The following LYPD6B variants were observed in gnomAD, a reference collection of about 807,000 sequenced individuals.
The protein encoded by LYPD6B is ly6/PLAUR domain-containing protein 6B.
LYPD6B carries 17 observed loss-of-function variants against 22.8 expected under a neutral mutation model. The ratio of observed to expected loss-of-function variants is 0.75; its 90% CI spans 0.51 to 1.12. The LOEUF (loss-of-function observed/expected upper bound fraction) is 1.12, where lower values mean the gene tolerates loss of function less well. LYPD6B is among the 50% of genes most tolerant of loss of function. The probability of loss-of-function intolerance (pLI) is 0.00; values close to 1 mark genes in which losing one functional copy is unlikely to be tolerated. For synonymous variants in LYPD6B, 106 were observed against 91.6 expected (o/e 1.16, Z -0.90); for missense variants, 221 against 258.3 (o/e 0.86, Z 0.99).
At chr2:149,103,225 C>T (rs1043439667) in intron 1 of LYPD6B, among the ~76,000 whole-genome samples, 7 of 152,104 alleles carry the variant, frequency 4.6e-5, no homozygotes, top group South Asian at 2.1e-4. Flanking sequence ...GCAGTGACAG[C>T]GTTGCATGGT....
chr2:149,136,199 G>A (rs904630499), intron 2 of LYPD6B, among the ~76,000 whole-genome samples: 3 of 152,172 alleles, frequency 2.0e-5, no homozygotes, highest in African/African-American at 7.2e-5. Flanking sequence ...TAGTTTCACT[G>A]TTTCCTATGC....
At chr2:149,047,484 A>T (rs948717971) in intron 1 of LYPD6B, among the ~76,000 whole-genome samples, 1 of 151,536 alleles carries the variant, frequency 6.6e-6, no homozygotes, top group African/African-American at 2.4e-5. Context: ...TTTTCATTTG[A>T]TGTTTCATTT....
chr2:149,144,550 C>G (rs930985867), intron 2 of LYPD6B, among the ~76,000 whole-genome samples: 1 of 152,108 alleles, frequency 6.6e-6, no homozygotes, highest in South Asian at 2.1e-4. Flanking sequence ...CGCCACCACG[C>G]CTGGCTAATT....
chr2:149,072,218 G>A (rs1684640182), intron 1 of LYPD6B, among the ~76,000 whole-genome samples: 1 of 152,136 alleles, frequency 6.6e-6, no homozygotes, highest in South Asian at 2.1e-4. Context: ...TTGACTTTCA[G>A]CACATGTGCC....
At chr2:149,047,968 T>TTTCC (rs1263938368) in intron 1 of LYPD6B, among the ~76,000 whole-genome samples, 1 of 152,188 alleles carries the variant, frequency 6.6e-6, no homozygotes, top group Non-Finnish European at 1.5e-5. Flanking sequence ...CTTTCAAATA[T>TTTCC]TTCCATTTGA....
intron 3 of LYPD6B, among the ~76,000 whole-genome samples, chr2:149,198,180 T>G (rs1487756136): frequency 1.3e-5 from 2 of 152,082 alleles, no homozygotes; most frequent in South Asian, 4.2e-4. Flanking sequence ...GTAGCTGGGA[T>G]TACAGGCACG....
chr2:149,103,693 C>T (rs533434743), intron 1 of LYPD6B, among the ~76,000 whole-genome samples: 11 of 151,424 alleles, frequency 7.3e-5, no homozygotes, highest in African/African-American at 2.7e-4. Flanking sequence ...GAAGTACTTT[C>T]TGCCAGTATA....
At chr2:149,091,810 G>T (rs960065687) in intron 1 of LYPD6B, among the ~76,000 whole-genome samples, 1 of 152,102 alleles carries the variant, frequency 6.6e-6, no homozygotes, top group Non-Finnish European at 1.5e-5. Context: ...GAAGTTACAG[G>T]CCTTTGTAGA....
chr2:149,096,697 T>TC (rs2105464941), intron 1 of LYPD6B, among the ~76,000 whole-genome samples: 1 of 152,296 alleles, frequency 6.6e-6, no homozygotes, highest in Non-Finnish European at 1.5e-5. Flanking sequence ...TGATTTTTTT[T>TC]CTCTTCTTAG....
At chr2:149,147,906 CTGTGTGTG>C (rs61441741) in intron 2 of LYPD6B, among the ~76,000 whole-genome samples, 8 of 139,018 alleles carry the variant, frequency 5.8e-5, no homozygotes, top group African/African-American at 1.4e-4. Context: ...GCACATGGGC[CTGTGTGTG>C]TGTGTGTGTG....
At chr2:149,179,774 T>C (rs1371177829) in intron 3 of LYPD6B, among the ~76,000 whole-genome samples, 1 of 152,206 alleles carries the variant, frequency 6.6e-6, no homozygotes, top group East Asian at 1.9e-4. Context: ...TACCTGGCAC[T>C]GTTGGTTTGT....
At position 149,124,013 on chromosome 2, in the gene LYPD6B, G is replaced by T. The variant is rs1456799586; in HGVS notation, c.-66-6870G>T. On this transcript the variant is annotated intron_variant, in intron 1 of 6. Coordinates refer to ENST00000409642, the MANE Select transcript of LYPD6B (RefSeq NM_177964.5). ...CCAGGAAGGCCCCCCGGGCTCCTTT[G>T]CTGTATGCTTTTCTAGTTAAGGACC... Among the ~76,000 whole-genome samples the T allele has an allele frequency of 2.0e-5, 3 of 152,166 alleles. No homozygotes were observed. In the East Asian group the frequency reaches 5.8e-4, roughly 29 times the overall value.
intron 1 of LYPD6B, among the ~76,000 whole-genome samples, chr2:149,072,124 G>A (rs1025853599): frequency 6.6e-6 from 1 of 152,186 alleles, no homozygotes; most frequent in Non-Finnish European, 1.5e-5. Context: ...TAGAGACAGA[G>A]TTTTGCCATG....
At chr2:149,197,957 T>C (rs992849916) in intron 3 of LYPD6B, among the ~76,000 whole-genome samples, 3 of 152,230 alleles carry the variant, frequency 2.0e-5, no homozygotes, top group Non-Finnish European at 4.4e-5. Flanking sequence ...TTTGTCCAAA[T>C]AGTTGGATAA....
chr2:149,176,069 G>A (rs1043170489), intron 3 of LYPD6B, among the ~76,000 whole-genome samples: 2 of 152,174 alleles, frequency 1.3e-5, no homozygotes, highest in African/African-American at 4.8e-5. Flanking sequence ...ATACTTAATT[G>A]TCTGTGCTAT....
At chr2:149,135,322 T>C (rs1438861761) in intron 2 of LYPD6B, among the ~76,000 whole-genome samples, 1 of 152,042 alleles carries the variant, frequency 6.6e-6, no homozygotes, top group Non-Finnish European at 1.5e-5. Flanking sequence ...ATGTCAATTG[T>C]AAACTATTTT....
At chr2:149,192,419 CTTTTT>C (rs11369954) in intron 3 of LYPD6B, among the ~76,000 whole-genome samples, 1 of 125,208 alleles carries the variant, frequency 8.0e-6, no homozygotes. Flanking sequence ...AGGGGCAAGT[CTTTTT>C]TTTTTTTTTT....
At chr2:149,135,089 A>G (rs1270311770) in intron 2 of LYPD6B, among the ~76,000 whole-genome samples, 1 of 151,708 alleles carries the variant, frequency 6.6e-6, no homozygotes, top group Non-Finnish European at 1.5e-5. Flanking sequence ...TACTAAAAAT[A>G]CAAAAATTAG....
intron 1 of LYPD6B, among the ~76,000 whole-genome samples, chr2:149,126,721 G>T (rs2105658421): frequency 6.6e-6 from 1 of 152,242 alleles, no homozygotes; most frequent in South Asian, 2.1e-4. Flanking sequence ...GATATAGGGT[G>T]TCTCTGCATC....
Sources: allele counts gnomAD v4.1 joint callset (sites outside exome capture counted in the v4.1 genomes callset), GRCh38; gene constraint gnomAD v4.1.1; transcripts MANE v1.5; gene names NCBI Gene and HGNC (gene_info 2026-07-23, HGNC 2026-07-21).